Variants in SLC8A3 observed in about 807,000 individuals in gnomAD.
SLC8A3 encodes the protein sodium/calcium exchanger 3.
SLC8A3 carries 37 observed loss-of-function variants against 65.4 expected under a neutral mutation model. The ratio of observed to expected loss-of-function variants is 0.57; its 90% CI spans 0.44 to 0.74. SLC8A3 has a LOEUF of 0.74. SLC8A3 is among the 30% of genes least tolerant of loss of function. SLC8A3 has a pLI of 0.00. For synonymous variants in SLC8A3, 461 were observed against 444.5 expected, an observed-to-expected ratio of 1.04 and a Z score of -0.47; for missense variants, 1,112 against 1,172.1, an observed-to-expected ratio of 0.95 and a Z score of 0.75.
chr14:70,123,812 A>G (rs1003361167), intron 2 of SLC8A3, among the ~76,000 whole-genome samples: 4 of 152,190 alleles, frequency 2.6e-5, no homozygotes, highest in African/African-American at 9.7e-5. Context: ...GTTATCCAAC[A>G]TTCTGTCTAC....
At chr14:70,131,107 A>G (rs1001562848) in intron 2 of SLC8A3, among the ~76,000 whole-genome samples, 1 of 152,208 alleles carries the variant, frequency 6.6e-6, no homozygotes, top group East Asian at 1.9e-4. Flanking sequence ...ATGCAGAATG[A>G]AAACAGTCAG....
chr14:70,139,356 G>C (rs779562113), intron 2 of SLC8A3, among the ~76,000 whole-genome samples: 1 of 152,224 alleles, frequency 6.6e-6, no homozygotes, highest in African/African-American at 2.4e-5. Flanking sequence ...GAGGACACTG[G>C]TGTTCACTCC....
At chr14:70,115,614 G>C (rs1042197384) in intron 2 of SLC8A3, among the ~76,000 whole-genome samples, 1 of 152,164 alleles carries the variant, frequency 6.6e-6, no homozygotes, top group South Asian at 2.1e-4. Context: ...AGGGACGATG[G>C]GAAGCACAGT....
At chr14:70,130,393 C>T (rs1359896988) in intron 2 of SLC8A3, among the ~76,000 whole-genome samples, 1 of 152,164 alleles carries the variant, frequency 6.6e-6, no homozygotes, top group African/African-American at 2.4e-5. Flanking sequence ...TTGTTTTTGT[C>T]CTGTGCATGC....
At chr14:70,126,165 C>A (rs1046719397) in intron 2 of SLC8A3, among the ~76,000 whole-genome samples, 1 of 152,232 alleles carries the variant, frequency 6.6e-6, no homozygotes, top group Non-Finnish European at 1.5e-5. Context: ...TATTTTCTTT[C>A]ATTTTGTTCT....
chr14:70,173,877 T>TGACC lies in SLC8A3; in HGVS notation c.-62-5397_-62-5394dup, dbSNP rs1420850486. ...GACTCTCTCAAGAGTAGGAAAGATG[T>TGACC]GACCTCTGCTGCTTAGGTAGCTTGA... On this transcript the variant is annotated intron_variant, in intron 1 of 6. Transcript: ENST00000356921. Among the ~76,000 whole-genome samples, 5 of 152,232 alleles carry TGACC rather than the reference T, an allele frequency of 3.3e-5. No homozygotes were observed. In the East Asian group the frequency reaches 9.6e-4, roughly 29 times the overall value.
chr14:70,045,859 G>C lies in SLC8A3; in HGVS notation c.*88C>G. ...GTCCTGATGCTGCCTCTCCAGGGCA[G>C]TGCAGTCGGGAGAGATCACTGGTGG... On this transcript the variant is annotated 3_prime_UTR_variant, in exon 7 of 7. Coordinates refer to ENST00000356921, the MANE Select transcript of SLC8A3 (RefSeq NM_182932.3). The C allele has an allele frequency of 7.6e-7, 1 of 1,311,808 alleles. No individual in the cohort carries two copies. The highest frequency in any genetic ancestry group is 1.5e-5 in the African/African-American group (1 of 67,352). The allele number at this position is 1,311,808 out of a possible 1,614,324, so 81.3% of individuals were successfully genotyped here. A position where few individuals can be genotyped will look rare whatever the true frequency, so the allele number is the denominator to read the frequency against.
chr14:70,104,044 A>T (rs1317086164), intron 2 of SLC8A3, among the ~76,000 whole-genome samples: 1 of 152,094 alleles, frequency 6.6e-6, no homozygotes, highest in Non-Finnish European at 1.5e-5. Context: ...AAATAGGGAC[A>T]TTGCATAAAT....
chr14:70,122,587 T>C (rs1894147711), intron 2 of SLC8A3, among the ~76,000 whole-genome samples: 1 of 152,224 alleles, frequency 6.6e-6, no homozygotes, highest in Non-Finnish European at 1.5e-5. Context: ...TGGGCATATC[T>C]TGTGATATAT....
intron 1 of SLC8A3, among the ~76,000 whole-genome samples, chr14:70,170,510 G>A (rs1897458379): frequency 6.6e-6 from 1 of 152,216 alleles, no homozygotes; most frequent in Non-Finnish European, 1.5e-5. Flanking sequence ...TAGGTTCTCA[G>A]TAACTGTATG....
intron 2 of SLC8A3, among the ~76,000 whole-genome samples, chr14:70,108,477 A>G (rs1893034650): frequency 6.6e-6 from 1 of 152,070 alleles, no homozygotes; most frequent in Non-Finnish European, 1.5e-5. Flanking sequence ...CATTCTTACA[A>G]TGTCCCTGTC....
intron 3 of SLC8A3, among the ~76,000 whole-genome samples, chr14:70,056,379 G>A (rs1888116113): frequency 6.6e-6 from 1 of 152,168 alleles, no homozygotes; most frequent in African/African-American, 2.4e-5. Context: ...GCTTCTCAGT[G>A]CTCATAAGGT....
rs924868124 is a variant in SLC8A3, at chr14:70,046,021, G to A, written c.2692C>T (p.Leu898Phe). 3.7e-6 allele frequency: 6 copies of A among 1,613,590 alleles called. No homozygotes were observed. The highest frequency in any genetic ancestry group is 1.1e-5 in the South Asian group (1 of 91,008). ...PRGCKLATTWLFVSLWLLYIL... is the reference protein window; with the variant it reads ...PRGCKLATTWFFVSLWLLYIL... The stretch of plus-strand genomic sequence containing the variant: ...TAGAGGAGCCACAGGCTCACAAAGA[G>A]CCATGTTGTGGCGAGCTTGCAGCCA... Residue 898 changes from leucine to phenylalanine, a missense_variant, in exon 7 of 7, where the codon CTC becomes TTC. Coordinates refer to ENST00000356921, the MANE Select transcript of SLC8A3 (RefSeq NM_182932.3). This position sits in a 1 kb window ranked among gnomAD's most constrained non-coding sequence, Gnocchi z 4.2.
rs551319733 is a variant in SLC8A3, at chr14:70,167,930, G to C, written c.493C>G (p.Leu165Val). 1 of 1,614,164 alleles carries C rather than the reference G, an allele frequency of 6.2e-7. No individual in the cohort carries two copies. The highest frequency in any genetic ancestry group is 1.1e-5 in the South Asian group (1 of 91,086). The change falls in exon 2 of 7, where the codon CTG becomes GTG. Residue 165 changes from leucine to valine, a missense_variant. Coordinates refer to ENST00000356921, the MANE Select transcript of SLC8A3 (RefSeq NM_182932.3). ...VCGHGFIAGD[L>V]GPSTIVGSAA... is the part of the protein sequence containing the mutation. ...CTCCCTACAATGGTAGAAGGTCCCA[G>C]ATCACCAGCAATGAACCCATGACCA...
At chr14:70,187,599 CTGTGTGTGTGTGTGTGTGTGTG>C (rs3053393) in intron 1 of SLC8A3, among the ~76,000 whole-genome samples, 10 of 118,266 alleles carry the variant, frequency 8.5e-5, no homozygotes, top group African/African-American at 1.4e-4. Context: ...AGGGCTTTGA[CTGTGTGTGTGTGTGTGTGTGTG>C]TGTGTGTGTG....
intron 2 of SLC8A3, among the ~76,000 whole-genome samples, chr14:70,072,152 T>C (rs1346434877): frequency 6.6e-6 from 1 of 152,194 alleles, no homozygotes; most frequent in Non-Finnish European, 1.5e-5. Flanking sequence ...ATTCTGTTAA[T>C]TCTGAAATGT....
intron 2 of SLC8A3, among the ~76,000 whole-genome samples, chr14:70,164,509 C>T (rs559390110): frequency 1.4e-4 from 21 of 151,966 alleles, no homozygotes; most frequent in Non-Finnish European, 2.6e-4. Flanking sequence ...TGAGTATTAC[C>T]CAGAAGTGAT....
intron 2 of SLC8A3, among the ~76,000 whole-genome samples, chr14:70,103,956 T>C (rs543282182): frequency 8.7e-4 from 133 of 152,090 alleles, no homozygotes; most frequent in African/African-American, 3.0e-3. Flanking sequence ...ACTATGCAAA[T>C]GGTAAGCATA....
intron 6 of SLC8A3, chr14:70,048,494 T>TA: frequency 4.9e-6 from 3 of 610,534 alleles, no homozygotes; most frequent in Middle Eastern, 4.4e-4. Flanking sequence ...TTACCCTATT[T>TA]AATAGGGCTT....
Sources: gnomAD v4.1 joint callset for allele counts (sites outside exome capture counted in the v4.1 genomes callset) on GRCh38, gnomAD v4.1.1 for gene constraint, Gnocchi (gnomAD v3.1) non-coding constraint, MANE v1.5 for transcripts, NCBI Gene and HGNC (gene_info 2026-07-23, HGNC 2026-07-21) for gene names.